Variants in DENND1A observed in about 807,000 individuals in gnomAD.
DENND1A encodes the protein DENN domain containing 1A, also known as DENN domain-containing protein 1A.
DENND1A carries 51 observed loss-of-function variants against 113.7 expected under a neutral mutation model. The ratio of observed to expected loss-of-function variants is 0.45; its 90% CI spans 0.36 to 0.57. The LOEUF (loss-of-function observed/expected upper bound fraction) is 0.57. Ranked by LOEUF, DENND1A falls within the 20% of genes least tolerant of loss-of-function variation. The pLI, the probability that DENND1A is intolerant of heterozygous loss-of-function variation, is 0.00. For missense variants in DENND1A, 1,258 were observed against 1,395.9 expected (o/e 0.90, Z 1.57); for synonymous variants, 565 against 570.8 (o/e 0.99, Z 0.14).
At chr9:123,826,617 T>C (rs1839367021) in intron 2 of DENND1A, among the ~76,000 whole-genome samples, 2 of 152,114 alleles carry the variant, frequency 1.3e-5, no homozygotes, top group African/African-American at 4.8e-5. Flanking sequence ...TTCTCAGTAT[T>C]AGCTCTCCCC....
At chr9:123,430,943 C>T (rs532103313) in intron 19 of DENND1A, among the ~76,000 whole-genome samples, 51 of 152,172 alleles carry the variant, frequency 3.4e-4, no homozygotes, top group Middle Eastern at 6.8e-3. Context: ...GTTGAGGCTG[C>T]GGTGAGCCGA....
intron 13 of DENND1A, among the ~76,000 whole-genome samples, chr9:123,458,390 A>G (rs1196513288): frequency 6.6e-6 from 1 of 152,128 alleles, no homozygotes; most frequent in African/African-American, 2.4e-5. Context: ...ATATCTAACT[A>G]TTTCTAACTA....
intron 21 of DENND1A, chr9:123,400,814 CAG>C (rs1306494266): frequency 1.3e-5 from 2 of 152,198 alleles, no homozygotes; most frequent in Admixed American, 1.3e-4. Context: ...CCCCTGACCT[CAG>C]GTGATCCGCT....
rs552284776 is a variant in DENND1A, at chr9:123,928,505, C to G, written c.17+1384G>C. ...TTTTACCTCCCAAGCCTCTCAAGCT[C>G]TTGTTTGGAGCATGCTTCTAACTTT... On this transcript the variant is annotated intron_variant, in intron 1 of 23. Transcript: ENST00000394215. 132 of 960,590 alleles carry G rather than the reference C, an allele frequency of 1.4e-4. No homozygotes were observed. The African/African-American group carries it at 2.2e-3, about 16-fold the overall frequency. 59.5% of individuals were successfully genotyped at this position (960,590 alleles called of 1,614,324 possible). A position where few individuals can be genotyped will look rare whatever the true frequency, so the allele number is the denominator to read the frequency against.
chr9:123,748,402 T>C (rs2069713175), intron 5 of DENND1A, among the ~76,000 whole-genome samples: 1 of 152,236 alleles, frequency 6.6e-6, no homozygotes, highest in South Asian at 2.1e-4. Context: ...AATTGATTGC[T>C]AGAATTGTAG....
At chr9:123,929,793 G>T in intron 1 of DENND1A, 96 bp downstream of exon 1, 1 of 173,306 alleles carries the variant, frequency 5.8e-6, no homozygotes, top group South Asian at 1.7e-4. Context: ...CTCTGGTCTC[G>T]GCAACAAGTC....
intron 13 of DENND1A, among the ~76,000 whole-genome samples, chr9:123,523,321 G>C (rs538373440): frequency 2.5e-4 from 38 of 152,244 alleles, no homozygotes; most frequent in African/African-American, 8.9e-4. Flanking sequence ...TCCTCATCTT[G>C]TGGAGGCCTG....
intron 11 of DENND1A, among the ~76,000 whole-genome samples, chr9:123,587,581 G>A (rs561438396): frequency 1.2e-4 from 19 of 152,218 alleles, no homozygotes; most frequent in African/African-American, 3.1e-4. Context: ...CCATGCGTCC[G>A]TTTATAGGCT....
chr9:123,458,828 G>T (rs2048332019), intron 13 of DENND1A, among the ~76,000 whole-genome samples: 1 of 152,158 alleles, frequency 6.6e-6, no homozygotes, highest in African/African-American at 2.4e-5. Context: ...GGGTGTGGTG[G>T]TGCATGTCTG....
Position 123,630,700 on chromosome 9 carries a change from G to A in DENND1A, c.619-224C>T, listed in dbSNP as rs535410458. On this transcript the variant is annotated intron_variant, in intron 9 of 23. Transcript: ENST00000394215. Reference sequence around the variant, plus strand: ...GATGATAAAGCTAATATACGAAATAGAAAATTTTTAAAATGGTGAAAGGGA... The same window carrying A: ...GATGATAAAGCTAATATACGAAATAAAAAATTTTTAAAATGGTGAAAGGGA... 2.0e-5 allele frequency among the ~76,000 whole-genome samples: 3 copies of A among 152,156 alleles called. No individual in the cohort carries two copies. In the South Asian group the frequency reaches 6.2e-4, roughly 32 times the overall value.
chr9:123,559,362 A>G (rs913610406), intron 12 of DENND1A, among the ~76,000 whole-genome samples: 1 of 152,218 alleles, frequency 6.6e-6, no homozygotes, highest in African/African-American at 2.4e-5. Flanking sequence ...TCTGTAAGAG[A>G]CCAGCTACTG....
chr9:123,647,002 G>T (rs1056920662), intron 9 of DENND1A, among the ~76,000 whole-genome samples: 1 of 152,092 alleles, frequency 6.6e-6, no homozygotes, highest in Non-Finnish European at 1.5e-5. Context: ...TTTTCCCTTA[G>T]AAGGTCAAGA....
intron 2 of DENND1A, among the ~76,000 whole-genome samples, chr9:123,800,459 T>G (rs1472590042): frequency 6.6e-6 from 1 of 152,206 alleles, no homozygotes; most frequent in Admixed American, 6.5e-5. Context: ...AGGCTCACAA[T>G]GAACAAATTC....
chr9:123,681,240 C>G lies in DENND1A; in HGVS notation c.303-4451G>C, dbSNP rs564516535. ...GCCTGACCAGCAATGGTATTAGAACCCAGAAGAGTACAAAGAACATCTGGA... is the reference window on the plus strand; with the variant it reads ...GCCTGACCAGCAATGGTATTAGAACGCAGAAGAGTACAAAGAACATCTGGA... On this transcript the variant is annotated intron_variant, in intron 5 of 23. Coordinates refer to ENST00000394215, the MANE Select transcript of DENND1A (RefSeq NM_001352964.2). Among the ~76,000 whole-genome samples, 174 of 148,900 alleles carry G rather than the reference C, an allele frequency of 1.2e-3. 1 individual carries two copies. The highest frequency in any genetic ancestry group is 1.8e-3 in the Non-Finnish European group (124 of 67,734).
chr9:123,717,945 C>T (rs996224681), intron 5 of DENND1A, among the ~76,000 whole-genome samples: 10 of 152,172 alleles, frequency 6.6e-5, no homozygotes, highest in Admixed American at 2.0e-4. Context: ...ACAACTCTCC[C>T]ATCTGGTTTT....
intron 6 of DENND1A, among the ~76,000 whole-genome samples, chr9:123,674,986 C>T (rs1432138556): frequency 6.6e-6 from 1 of 152,016 alleles, no homozygotes; most frequent in Admixed American, 6.6e-5. Flanking sequence ...GAATGTTTGA[C>T]TAAAGGTAAC....
intron 2 of DENND1A, among the ~76,000 whole-genome samples, chr9:123,838,412 T>C (rs1034515912): frequency 1.3e-5 from 2 of 152,118 alleles, no homozygotes; most frequent in African/African-American, 4.8e-5. Context: ...AAATAGAAGC[T>C]TAACAAACGT....
At chr9:123,848,331 T>G (rs1423118077) in intron 2 of DENND1A, among the ~76,000 whole-genome samples, 1 of 152,036 alleles carries the variant, frequency 6.6e-6, no homozygotes, top group Non-Finnish European at 1.5e-5. Flanking sequence ...TGGGAATTTT[T>G]TGCAATATTT....
intron 13 of DENND1A, among the ~76,000 whole-genome samples, chr9:123,495,171 TATA>T (rs2051796787): frequency 2.6e-5 from 2 of 76,280 alleles, no homozygotes; most frequent in Admixed American, 1.1e-4. Flanking sequence ...CTCTCTCTCT[TATA>T]ATGTCTGTTT....
Sources: gnomAD v4.1 joint callset for allele counts (sites outside exome capture counted in the v4.1 genomes callset) on GRCh38, gnomAD v4.1.1 for gene constraint, MANE v1.5 for transcripts, NCBI Gene and HGNC (gene_info 2026-07-23, HGNC 2026-07-21) for gene names.